Variants in AFG2A observed in about 807,000 individuals in gnomAD.
The protein encoded by AFG2A is ATPase family gene 2 protein homolog A.
At chr4:122,934,367 G>A in the AFG2A span, 3 of 1,614,206 alleles carry the variant, frequency 1.9e-6, no homozygotes, top group South Asian at 3.3e-5. Flanking sequence ...ATTGATGACA[G>A]AATTACAAAT....
chr4:122,946,339 T>C, the AFG2A span, among the ~76,000 whole-genome samples: 1 of 152,260 alleles, frequency 6.6e-6, no homozygotes, highest in Non-Finnish European at 1.5e-5. Context: ...ATAAGCCTGT[T>C]GTGGATTAGT....
chr4:123,090,836 G>T, the AFG2A span: 21 of 1,259,994 alleles, frequency 1.7e-5, no homozygotes, highest in Non-Finnish European at 2.2e-5. Context: ...TGTAAAGCAG[G>T]TTCACTGTGG....
the AFG2A span, among the ~76,000 whole-genome samples, chr4:123,043,411 G>T: frequency 6.6e-6 from 1 of 150,644 alleles, no homozygotes; most frequent in Non-Finnish European, 1.5e-5. Flanking sequence ...CTATGTTTTT[G>T]TCATCTTCTT....
the AFG2A span, among the ~76,000 whole-genome samples, chr4:123,135,188 G>A: frequency 1.2e-4 from 18 of 151,560 alleles, no homozygotes; most frequent in East Asian, 3.4e-3. Flanking sequence ...TGCAGAAAAA[G>A]CCTTTAACAA....
the AFG2A span, among the ~76,000 whole-genome samples, chr4:123,233,672 A>G: frequency 1.3e-5 from 2 of 151,878 alleles, no homozygotes; most frequent in South Asian, 4.1e-4. Context: ...TTCTTTCTAC[A>G]TTTTTGAGCA....
chr4:123,118,353 T>TATA, the AFG2A span, among the ~76,000 whole-genome samples: 15 of 129,856 alleles, frequency 1.2e-4, no homozygotes, highest in Non-Finnish European at 2.3e-4. Flanking sequence ...ATTATATATA[T>TATA]TATATATATA....
At chr4:123,243,001 C>T in the AFG2A span, among the ~76,000 whole-genome samples, 15 of 152,312 alleles carry the variant, frequency 9.8e-5, no homozygotes, top group East Asian at 2.1e-3. Flanking sequence ...AAAAAATGCT[C>T]ATCATCACTG....
chr4:122,939,991 A>G, the AFG2A span, among the ~76,000 whole-genome samples: 2 of 152,188 alleles, frequency 1.3e-5, no homozygotes, highest in African/African-American at 4.8e-5. Flanking sequence ...ATAGTATTCC[A>G]TGGTGTATAT....
chr4:122,970,464 TAAAA>T, the AFG2A span, among the ~76,000 whole-genome samples: 31 of 149,574 alleles, frequency 2.1e-4, no homozygotes, highest in Non-Finnish European at 4.0e-4. Flanking sequence ...CTAGAAAAAG[TAAAA>T]AAAAAATTTT....
the AFG2A span, among the ~76,000 whole-genome samples, chr4:122,927,046 A>T: frequency 0.086 from 13,135 of 152,216 alleles, 1,252 homozygotes; most frequent in African/African-American, 0.23. Flanking sequence ...AGTGGAGATG[A>T]CAGCACATCA....
At chr4:122,971,628 T>C in the AFG2A span, among the ~76,000 whole-genome samples, 2 of 152,218 alleles carry the variant, frequency 1.3e-5, no homozygotes, top group Non-Finnish European at 2.9e-5. Flanking sequence ...GTAATCCTTA[T>C]CTCATTCTTG....
the AFG2A span, among the ~76,000 whole-genome samples, chr4:123,251,449 A>T: frequency 1.3e-5 from 2 of 152,146 alleles, no homozygotes; most frequent in Non-Finnish European, 2.9e-5. Context: ...ATTAAAAAGG[A>T]CTGCTTCAAC....
chr4:123,070,331 G>C, the AFG2A span, among the ~76,000 whole-genome samples: 508 of 152,090 alleles, frequency 3.3e-3, 3 homozygotes, highest in Middle Eastern at 0.014. Flanking sequence ...TTTGTGCTAA[G>C]TACTGTGCTA....
chr4:123,195,681 C>A, the AFG2A span, among the ~76,000 whole-genome samples: 3,194 of 152,220 alleles, frequency 0.021, 107 homozygotes, highest in African/African-American at 0.073. Context: ...TGGTAGTGAT[C>A]TACAAGGTAT....
the AFG2A span, among the ~76,000 whole-genome samples, chr4:122,945,616 C>T: frequency 5.3e-5 from 8 of 152,228 alleles, no homozygotes; most frequent in Non-Finnish European, 1.2e-4. Context: ...CAATGCCTCA[C>T]CCTGCTTCGG....
the AFG2A span, among the ~76,000 whole-genome samples, chr4:123,269,254 G>A: frequency 2.6e-5 from 4 of 152,184 alleles, no homozygotes; most frequent in African/African-American, 9.7e-5. Flanking sequence ...TGGGGTCCCT[G>A]TCCTGCATGC....
the AFG2A span, among the ~76,000 whole-genome samples, chr4:123,296,994 T>C: frequency 6.6e-6 from 1 of 152,204 alleles, no homozygotes; most frequent in African/African-American, 2.4e-5. Context: ...CAACACATAT[T>C]TCCAGTTATA....
At chr4:123,276,526 CT>C in the AFG2A span, among the ~76,000 whole-genome samples, 1 of 151,792 alleles carries the variant, frequency 6.6e-6, no homozygotes, top group Non-Finnish European at 1.5e-5. Flanking sequence ...TTGCAGTTGC[CT>C]TTGGCATCTT....
chr4:123,236,317 GC>G, the AFG2A span, among the ~76,000 whole-genome samples: 1 of 152,122 alleles, frequency 6.6e-6, no homozygotes, highest in Middle Eastern at 3.2e-3. Flanking sequence ...TTTATGATAA[GC>G]TTTCTGTAAA....
Sources: allele counts gnomAD v4.1 joint callset (sites outside exome capture counted in the v4.1 genomes callset), GRCh38; gene constraint gnomAD v4.1.1; transcripts MANE v1.5; gene names NCBI Gene and HGNC (gene_info 2026-07-23, HGNC 2026-07-21).